The following FBXW11 variants were observed in gnomAD, a reference collection of about 807,000 sequenced individuals.
FBXW11 encodes the protein F-box and WD repeat domain containing 11.
In FBXW11, 19 loss-of-function variants were observed where a neutral mutation model predicts 77.6. That is an observed-to-expected ratio of 0.24 (90% CI 0.17 to 0.36). FBXW11 has a LOEUF of 0.36. Among genes scored for constraint, FBXW11 ranks in the 10% least tolerant of loss-of-function variants. The pLI is 1.00. For missense variants in FBXW11, 334 were observed against 704.2 expected (o/e 0.47, Z 5.95); for synonymous variants, 235 against 249.4 (o/e 0.94, Z 0.54).
chr5:171,866,035 C>T (rs1247546635), intron 13 of FBXW11, among the ~76,000 whole-genome samples: 1 of 152,104 alleles, frequency 6.6e-6, no homozygotes, highest in Non-Finnish European at 1.5e-5. Flanking sequence ...GAGTCTGAGG[C>T]GGGCAGATCA....
At chr5:171,873,203 A>T (rs1757862290) in intron 9 of FBXW11, among the ~76,000 whole-genome samples, 1 of 152,218 alleles carries the variant, frequency 6.6e-6, no homozygotes, top group Admixed American at 6.5e-5. Context: ...TGAAACACGG[A>T]GGGAAGTGAA....
intron 7 of FBXW11, among the ~76,000 whole-genome samples, chr5:171,889,477 G>A (rs1476112910): frequency 2.7e-5 from 4 of 146,410 alleles, no homozygotes; most frequent in Admixed American, 1.4e-4. Context: ...GCAGTGAGCC[G>A]AGATCATGCC....
chr5:171,906,392 G>C (rs1760525076), intron 4 of FBXW11, among the ~76,000 whole-genome samples: 1 of 152,060 alleles, frequency 6.6e-6, no homozygotes, highest in Non-Finnish European at 1.5e-5. Flanking sequence ...GTGAAAAGAA[G>C]CTCAGGTCAC....
chr5:171,900,689 C>T (rs533958448), intron 4 of FBXW11, among the ~76,000 whole-genome samples: 3 of 152,270 alleles, frequency 2.0e-5, no homozygotes, highest in African/African-American at 4.8e-5. Flanking sequence ...GAATTAAAGT[C>T]GATTGTGCTT....
In FBXW11 at chr5:171,870,672, AG is replaced by A. The variant is rs1757702172; in HGVS notation, c.1451+75del. The A allele has an allele frequency of 2.8e-6, 3 of 1,076,746 alleles. No homozygotes were observed. The African/African-American group carries it at 4.7e-5, about 17-fold the overall frequency. 66.7% of individuals were successfully genotyped at this position (1,076,746 alleles called of 1,614,324 possible). A position where few individuals can be genotyped will look rare whatever the true frequency, so the allele number is the denominator to read the frequency against. ...CTACCATAGGACCTGGTACATACAG[AG>A]TTGCTTAATATATAACATTTCTCTT... On this transcript the variant is annotated intron_variant, in intron 11 of 13. Transcript: ENST00000517395.
chr5:171,907,026 T>A (rs1356408101), intron 4 of FBXW11, among the ~76,000 whole-genome samples: 1 of 152,250 alleles, frequency 6.6e-6, no homozygotes, highest in African/African-American at 2.4e-5. Context: ...TCATCCTTTT[T>A]GAAGTACAAT....
chr5:171,918,583 C>A (rs557694700), intron 2 of FBXW11, among the ~76,000 whole-genome samples: 1 of 152,246 alleles, frequency 6.6e-6, no homozygotes, highest in East Asian at 1.9e-4. Context: ...TCATCATTTC[C>A]TTCCTCTTAT....
rs868092629 is a variant in FBXW11 at position 171,999,308 on chromosome 5, G to A, written c.45+7150C>T. Among the ~76,000 whole-genome samples, 3 of 151,716 alleles carry A rather than the reference G, an allele frequency of 2.0e-5. No homozygotes were observed. In the Middle Eastern group the frequency reaches 0.01, roughly 520 times the overall value. On this transcript the variant is annotated intron_variant, in intron 1 of 13. Transcript: ENST00000517395. ...TAGCAAAACACAACCACAGCAATTTGACTAACAGACTCATTTCTGGACCTC... is the reference window on the plus strand; with the variant it reads ...TAGCAAAACACAACCACAGCAATTTAACTAACAGACTCATTTCTGGACCTC...
chr5:171,916,295 T>G (rs1028132549), intron 2 of FBXW11, among the ~76,000 whole-genome samples: 5 of 151,748 alleles, frequency 3.3e-5, no homozygotes, highest in African/African-American at 1.2e-4. Context: ...CTGTGTTATC[T>G]TCTTATGCTT....
At chr5:172,005,634 G>A (rs1766699350) in intron 1 of FBXW11, among the ~76,000 whole-genome samples, 1 of 152,078 alleles carries the variant, frequency 6.6e-6, no homozygotes, top group African/African-American at 2.4e-5. Context: ...CTTCCCCCGG[G>A]GGCCAAGGAT....
At chr5:171,986,760 A>T (rs1378616289) in intron 1 of FBXW11, among the ~76,000 whole-genome samples, 1 of 151,914 alleles carries the variant, frequency 6.6e-6, no homozygotes, top group African/African-American at 2.4e-5. Flanking sequence ...CGTGTGGACC[A>T]CATAAAATAT....
intron 1 of FBXW11, among the ~76,000 whole-genome samples, chr5:171,967,367 A>G (rs886121378): frequency 1.3e-5 from 2 of 152,246 alleles, no homozygotes; most frequent in Non-Finnish European, 2.9e-5. Flanking sequence ...CCCATAAGAC[A>G]AACTATTGTG....
intron 10 of FBXW11, among the ~76,000 whole-genome samples, chr5:171,871,962 T>C (rs559049634): frequency 6.6e-6 from 1 of 152,338 alleles, no homozygotes; most frequent in East Asian, 1.9e-4. Context: ...GATGAAACAT[T>C]AAGCAATACC....
intron 1 of FBXW11, among the ~76,000 whole-genome samples, chr5:171,996,719 G>C (rs997789963): frequency 6.6e-6 from 1 of 152,232 alleles, no homozygotes; most frequent in Non-Finnish European, 1.5e-5. Context: ...CAGACACATA[G>C]ACCTTCACTG....
At chr5:171,971,330 T>C (rs909029671) in intron 1 of FBXW11, among the ~76,000 whole-genome samples, 1 of 152,192 alleles carries the variant, frequency 6.6e-6, no homozygotes, top group African/African-American at 2.4e-5. Context: ...ATATTTATCA[T>C]CTAAGGTTAC....
chr5:171,935,892 C>A (rs1465976584), intron 2 of FBXW11, among the ~76,000 whole-genome samples: 1 of 151,902 alleles, frequency 6.6e-6, no homozygotes, highest in East Asian at 1.9e-4. Context: ...GGGCTGATCA[C>A]CTGAGGTCAG....
At chr5:171,873,668 T>A (rs1757894952) in intron 9 of FBXW11, among the ~76,000 whole-genome samples, 1 of 152,178 alleles carries the variant, frequency 6.6e-6, no homozygotes, top group Non-Finnish European at 1.5e-5. Context: ...GTCTCACCTT[T>A]CATATCATCC....
chr5:171,998,221 A>G (rs963330286), intron 1 of FBXW11, among the ~76,000 whole-genome samples: 2 of 152,122 alleles, frequency 1.3e-5, no homozygotes, highest in African/African-American at 4.8e-5. Context: ...ATTTCAGCCT[A>G]CATGAATCAG....
At chr5:171,865,045 T>C (rs1309449322) in intron 13 of FBXW11, among the ~76,000 whole-genome samples, 1 of 151,882 alleles carries the variant, frequency 6.6e-6, no homozygotes, top group African/African-American at 2.4e-5. Context: ...AAGTTGTCAA[T>C]TTACACAAAG....
Sources: gnomAD v4.1 joint callset for allele counts (sites outside exome capture counted in the v4.1 genomes callset) on GRCh38, gnomAD v4.1.1 for gene constraint, MANE v1.5 for transcripts, NCBI Gene and HGNC (gene_info 2026-07-23, HGNC 2026-07-21) for gene names.